Variants in RFTN2 observed in about 807,000 individuals in gnomAD.
The protein encoded by RFTN2 is raftlin-2.
Under a neutral mutation model 52.7 loss-of-function variants are expected in RFTN2, and 34 were observed. The ratio of observed to expected loss-of-function variants is 0.64; its 90% CI spans 0.49 to 0.86. The LOEUF (loss-of-function observed/expected upper bound fraction) is 0.86. Among genes scored for constraint, RFTN2 ranks in the 40% least tolerant of loss-of-function variants. RFTN2 has a pLI of 0.00. For missense variants in RFTN2, 536 were observed against 600.1 expected (o/e 0.89, Z 1.12); for synonymous variants, 203 against 217.7 (o/e 0.93, Z 0.59).
At chr2:197,646,733 A>G (rs1371757277) in intron 1 of RFTN2, 67 bp from the exon 2 acceptor site, 4 of 1,223,314 alleles carry the variant, frequency 3.3e-6, no homozygotes, top group African/African-American at 3.0e-5. Flanking sequence ...ATTTCTACCT[A>G]TGGGTGATAA....
intron 7 of RFTN2, among the ~76,000 whole-genome samples, chr2:197,604,448 G>A (rs984169991): frequency 1.6e-4 from 25 of 152,124 alleles, no homozygotes; most frequent in African/African-American, 5.8e-4. Context: ...AGTGAAAGCA[G>A]CAACACATAA....
chr2:197,603,807 A>T (rs2087917068), intron 7 of RFTN2, among the ~76,000 whole-genome samples: 1 of 152,200 alleles, frequency 6.6e-6, no homozygotes, highest in African/African-American at 2.4e-5. Flanking sequence ...GGTGCCTGTA[A>T]TCCCAGCTAC....
At chr2:197,608,731 C>T (rs921188977) in intron 7 of RFTN2, among the ~76,000 whole-genome samples, 83 of 150,832 alleles carry the variant, frequency 5.5e-4, no homozygotes, top group African/African-American at 1.8e-3. Context: ...TTGCTGCACC[C>T]GTCAAATCAT....
Position 197,631,176 on chromosome 2 carries a change from C to T in RFTN2, c.763G>A (p.Asp255Asn). 6.2e-7 allele frequency: 1 copy of T among 1,613,468 alleles called. No individual in the cohort carries two copies. The highest frequency in any genetic ancestry group is 8.5e-7 in the Non-Finnish European group (1 of 1,179,748). The change falls in exon 5 of 9, where the codon GAT becomes AAT. Residue 255 changes from aspartate (D) to asparagine (N), a missense_variant. Asp to Asn is a conservative substitution (Grantham distance 23, BLOSUM62 1). Coordinates refer to ENST00000295049, the MANE Select transcript of RFTN2 (RefSeq NM_144629.3). ...LYTVFNAFDD[D>N]STSWAYQEGI... Reference sequence around the variant, plus strand: ...TCCTGATAGGCCCAGGAGGTTGAATCATCATCAAAAGCATTGAAGACTGTA... The same window carrying T: ...TCCTGATAGGCCCAGGAGGTTGAATTATCATCAAAAGCATTGAAGACTGTA...
intron 1 of RFTN2, among the ~76,000 whole-genome samples, chr2:197,656,002 A>G (rs991029035): frequency 6.6e-6 from 1 of 152,180 alleles, no homozygotes. Context: ...AGACCCACTG[A>G]AAGAAAACTT....
At position 197,602,688 on chromosome 2, in the gene RFTN2, G is replaced by A. The variant is rs954856031; in HGVS notation, c.1155-6619C>T. Among the ~76,000 whole-genome samples the A allele has an allele frequency of 3.9e-5, 6 of 151,972 alleles. No homozygotes were observed. In the South Asian group the frequency reaches 6.2e-4, roughly 16 times the overall value. Reference sequence around the variant, plus strand: ...TGAGTAGCTGGGACTACAGGTGTGCGCCACCACCATTTGACCCAGTCATCC... The same window carrying A: ...TGAGTAGCTGGGACTACAGGTGTGCACCACCACCATTTGACCCAGTCATCC... On this transcript the variant is annotated intron_variant, in intron 7 of 8. Transcript: ENST00000295049.
Position 197,631,230 on chromosome 2 carries a change from CAGA to C in RFTN2, c.719-13_719-11del, listed in dbSNP as rs752978369. ...AATTTGTTATCTGAGGCTAGGCATT[CAGA>C]AGGAGAAAAAAGGGGAAAATTATAA... is the stretch of plus-strand genomic sequence containing the variant. On this transcript the variant is annotated splice_polypyrimidine_tract_variant and intron_variant, in intron 4 of 8. Transcript: ENST00000295049. The C allele has an allele frequency of 3.0e-5, 47 of 1,586,956 alleles. No individual in the cohort carries two copies. The South Asian group carries it at 4.5e-4, about 15-fold the overall frequency.
chr2:197,590,509 C>A (rs2087687496), intron 8 of RFTN2, among the ~76,000 whole-genome samples: 2 of 152,214 alleles, frequency 1.3e-5, no homozygotes, highest in Non-Finnish European at 2.9e-5. Context: ...TCCTCCCCCA[C>A]AACAAGGGCA....
At chr2:197,591,363 A>C (rs1243797896) in intron 8 of RFTN2, among the ~76,000 whole-genome samples, 1 of 152,262 alleles carries the variant, frequency 6.6e-6, no homozygotes, top group South Asian at 2.1e-4. Flanking sequence ...AGCTAGACAC[A>C]GGGTGCTGAT....
intron 3 of RFTN2, among the ~76,000 whole-genome samples, chr2:197,637,677 T>C (rs1219620933): frequency 6.6e-6 from 1 of 151,986 alleles, no homozygotes; most frequent in African/African-American, 2.4e-5. Flanking sequence ...TGTTGATCCT[T>C]TCAAAAAACC....
chr2:197,595,600 T>A (rs757254422), intron 8 of RFTN2, among the ~76,000 whole-genome samples: 1 of 152,226 alleles, frequency 6.6e-6, no homozygotes, highest in Non-Finnish European at 1.5e-5. Flanking sequence ...TAGTAAGGTT[T>A]GTTTTTGCAG....
intron 8 of RFTN2, among the ~76,000 whole-genome samples, chr2:197,590,799 G>A (rs1301829133): frequency 6.6e-6 from 1 of 152,168 alleles, no homozygotes; most frequent in Non-Finnish European, 1.5e-5. Context: ...CGGTGGGTTC[G>A]TGGTCTGGCT....
rs947447319 is a variant in RFTN2 at position 197,578,773 on chromosome 2, G to A, written c.1234-6493C>T. ...GTGGTCTCTTCACACGGATGCGCAT[G>A]ACATTTGGTGCCGTGATTCGGATTG... On this transcript the variant is annotated intron_variant, in intron 8 of 8. Transcript: ENST00000295049. 2.0e-5 allele frequency among the ~76,000 whole-genome samples: 3 copies of A among 152,200 alleles called. 1 individual carries two copies. Among genetic ancestry groups the A allele is most frequent in the South Asian group, 4.1e-4 (2 of 4,822 alleles).
chr2:197,585,269 C>T (rs527596951), intron 8 of RFTN2, among the ~76,000 whole-genome samples: 1 of 152,308 alleles, frequency 6.6e-6, no homozygotes, highest in South Asian at 2.1e-4. Context: ...ACTATTTGGA[C>T]TGCACCCCAA....
intron 7 of RFTN2, among the ~76,000 whole-genome samples, chr2:197,614,631 A>G (rs1000648236): frequency 8.5e-5 from 13 of 152,126 alleles, no homozygotes; most frequent in Non-Finnish European, 1.2e-4. Flanking sequence ...ATGGGGCCGG[A>G]GCCCCACAGC....
intron 5 of RFTN2, among the ~76,000 whole-genome samples, chr2:197,619,302 G>A (rs1185560803): frequency 1.2e-4 from 18 of 152,030 alleles, no homozygotes; most frequent in African/African-American, 4.1e-4. Context: ...GAATAGAAAG[G>A]GGGGAAAGGT....
intron 8 of RFTN2, among the ~76,000 whole-genome samples, chr2:197,582,476 T>C (rs2087525717): frequency 6.6e-6 from 1 of 152,330 alleles, no homozygotes; most frequent in East Asian, 1.9e-4. Context: ...CGATGGCAGT[T>C]CTACCAGGCC....
chr2:197,629,190 C>G (rs541605921), intron 5 of RFTN2, among the ~76,000 whole-genome samples: 1 of 152,260 alleles, frequency 6.6e-6, no homozygotes, highest in Non-Finnish European at 1.5e-5. Context: ...GACTTGGAAC[C>G]AACCCAAATG....
intron 1 of RFTN2, among the ~76,000 whole-genome samples, chr2:197,647,628 G>A (rs2088771984): frequency 6.6e-6 from 1 of 152,156 alleles, no homozygotes; most frequent in Non-Finnish European, 1.5e-5. Flanking sequence ...CTCTTTCAAA[G>A]CACTGTGTTT....
Sources: gnomAD v4.1 joint callset for allele counts (sites outside exome capture counted in the v4.1 genomes callset) on GRCh38, gnomAD v4.1.1 for gene constraint, MANE v1.5 for transcripts, NCBI Gene and HGNC (gene_info 2026-07-23, HGNC 2026-07-21) for gene names.